The following FOXK2 variants were observed in gnomAD, a reference collection of about 807,000 sequenced individuals.
FOXK2 encodes forkhead box protein K2.
FOXK2 carries 24 observed loss-of-function variants against 53.3 expected under a neutral mutation model. The observed-to-expected ratio is 0.45, with a 90% confidence interval of 0.33 to 0.63. FOXK2 has a LOEUF of 0.63. FOXK2 is among the 30% of genes least tolerant of loss of function. FOXK2 has a pLI of 0.03. For synonymous variants in FOXK2, 505 were observed against 407.1 expected, an observed-to-expected ratio of 1.24 and a Z score of -2.89; for missense variants, 952 against 910.5, an observed-to-expected ratio of 1.05 and a Z score of -0.59.
At chr17:82,530,466 AG>A (rs377393406) in intron 1 of FOXK2, among the ~76,000 whole-genome samples, 34,139 of 106,252 alleles carry the variant, frequency 0.32, 5,683 homozygotes, top group South Asian at 0.43. Flanking sequence ...AAAAAAAAAA[AG>A]AGAGAGAAAA....
intron 1 of FOXK2, among the ~76,000 whole-genome samples, chr17:82,526,121 C>G (rs1836707584): frequency 6.6e-6 from 1 of 152,140 alleles, no homozygotes; most frequent in Admixed American, 6.6e-5. Context: ...AAGGTGAAGA[C>G]TGGAGAGAGA....
intron 2 of FOXK2, among the ~76,000 whole-genome samples, chr17:82,564,887 C>T (rs904224926): frequency 5.9e-5 from 9 of 152,090 alleles, no homozygotes; most frequent in African/African-American, 1.4e-4. Flanking sequence ...TGCACCACCA[C>T]GCCCGGCTAA....
chr17:82,529,512 C>A (rs2144048284), intron 1 of FOXK2, among the ~76,000 whole-genome samples: 1 of 152,088 alleles, frequency 6.6e-6, no homozygotes, highest in South Asian at 2.1e-4. Flanking sequence ...GCCTTAGCCT[C>A]CTGAGTACCT....
In FOXK2 at chr17:82,603,338, T is replaced by C. The variant is rs1407975992; in HGVS notation, c.*1839T>C. 6.6e-6 allele frequency: 1 copy of C among 152,208 alleles called. No individual in the cohort carries two copies. The highest frequency in any genetic ancestry group is 1.5e-5 in the Non-Finnish European group (1 of 68,036). 9.4% of individuals were successfully genotyped at this position (152,208 alleles called of 1,614,324 possible). A position where few individuals can be genotyped will look rare whatever the true frequency, so the allele number is the denominator to read the frequency against. On this transcript the variant is annotated 3_prime_UTR_variant, in exon 9 of 9. Transcript: ENST00000335255. Reference sequence around the variant, plus strand: ...CTCAGAAGGTTTGCAGTTTGTAAAATAATCAGGATTCTGCTCTGTCCTGTG... The same window carrying C: ...CTCAGAAGGTTTGCAGTTTGTAAAACAATCAGGATTCTGCTCTGTCCTGTG...
chr17:82,572,910 G>A (rs1413039386), intron 4 of FOXK2, among the ~76,000 whole-genome samples: 1 of 152,068 alleles, frequency 6.6e-6, no homozygotes, highest in Non-Finnish European at 1.5e-5. Context: ...ATAGCCTACC[G>A]GCCGGGCACA....
chr17:82,554,972 C>T (rs902050207), intron 1 of FOXK2, among the ~76,000 whole-genome samples: 1 of 152,106 alleles, frequency 6.6e-6, no homozygotes, highest in African/African-American at 2.4e-5. Flanking sequence ...TGGGTTCGAA[C>T]TCCTGACCTC....
In FOXK2 at chr17:82,602,734, G is replaced by A. The variant is rs971662124; in HGVS notation, c.*1235G>A. On this transcript the variant is annotated 3_prime_UTR_variant, in exon 9 of 9. Coordinates refer to ENST00000335255, the MANE Select transcript of FOXK2 (RefSeq NM_004514.4). ...GGACAGGACGGGGGTGAGGGAATGAGAGTGGGAGGTCCCTGCACCTCCTCG... is the reference window on the plus strand; with the variant it reads ...GGACAGGACGGGGGTGAGGGAATGAAAGTGGGAGGTCCCTGCACCTCCTCG... 1 of 152,264 alleles carries A rather than the reference G, an allele frequency of 6.6e-6. No homozygotes were observed. Among genetic ancestry groups the A allele is most frequent in the African/African-American group, 2.4e-5 (1 of 41,470 alleles). 9.4% of individuals were successfully genotyped at this position (152,264 alleles called of 1,614,324 possible).
chr17:82,591,579 G>A (rs759426559), intron 8 of FOXK2, among the ~76,000 whole-genome samples: 6 of 152,210 alleles, frequency 3.9e-5, no homozygotes, highest in Non-Finnish European at 7.3e-5. Context: ...TGTGGGGAGG[G>A]CTTGAGGCCT....
chr17:82,525,649 G>A (rs1248166885), intron 1 of FOXK2, among the ~76,000 whole-genome samples: 1 of 152,164 alleles, frequency 6.6e-6, no homozygotes, highest in Non-Finnish European at 1.5e-5. Flanking sequence ...CTCTTTAACA[G>A]TTGTTTATAC....
At position 82,571,854 on chromosome 17, in the gene FOXK2, C is replaced by T. The variant is rs770115350; in HGVS notation, c.893C>T (p.Ala298Val). The change falls in exon 4 of 9, where the codon GCG (alanine) becomes GTG (valine). Residue 298 changes from alanine (A) to valine (V), a missense_variant. Ala to Val is a moderately conservative substitution (Grantham distance 64). This residue lies in a region of FOXK2 where 160 missense variants were observed against 214.2 expected (regional missense o/e 0.75). Transcript: ENST00000335255. ...ITKNYPYYRTADKGWQNSIRH... is the reference protein window; with the variant it reads ...ITKNYPYYRTVDKGWQNSIRH... Reference sequence around the variant, plus strand: ...AAAAATTATCCCTACTACAGGACTGCGGACAAGGGCTGGCAGGTAAATGCC... The same window carrying T: ...AAAAATTATCCCTACTACAGGACTGTGGACAAGGGCTGGCAGGTAAATGCC... The T allele has an allele frequency of 4.5e-6, 7 of 1,570,348 alleles. No individual in the cohort carries two copies. The highest frequency in any genetic ancestry group is 2.4e-5 in the East Asian group (1 of 42,086).
At chr17:82,576,227 G>A (rs2044984092) in intron 4 of FOXK2, among the ~76,000 whole-genome samples, 1 of 76,784 alleles carries the variant, frequency 1.3e-5, no homozygotes, top group Non-Finnish European at 2.6e-5. Flanking sequence ...TCGGGTGGCG[G>A]CGGCGGGTTC....
intron 8 of FOXK2, chr17:82,595,879 T>C: frequency 3.1e-6 from 4 of 1,286,302 alleles, no homozygotes; most frequent in Non-Finnish European, 4.1e-6. Context: ...CAGGTGCTTC[T>C]GGAGACAAGA....
Position 82,601,419 on chromosome 17 carries a change from G to T in FOXK2, c.1903G>T (p.Glu635Ter). ...GCCGGAGCTGAAGCGGATCAAGACA[G>T]AAGACGGCGAGGGCATCGTCATTGC... ...EQPELKRIKT[E>*]DGEGIVIALS... Residue 635 changes from glutamate to a stop codon, truncating the protein, a stop_gained, in exon 9 of 9, where the codon GAA (glutamate) becomes TAA (stop). Coordinates refer to ENST00000335255, the MANE Select transcript of FOXK2 (RefSeq NM_004514.4). LOFTEE classifies it low-confidence loss of function (END_TRUNC). 6.2e-7 allele frequency: 1 copy of T among 1,612,970 alleles called. No homozygotes were observed. The highest frequency in any genetic ancestry group is 8.5e-7 in the Non-Finnish European group (1 of 1,180,030).
rs138125214 is a variant in FOXK2, at chr17:82,584,068, G to A, written c.1159G>A (p.Ala387Thr). Residue 387 changes from alanine to threonine, a missense_variant, in exon 6 of 9, where the codon GCC becomes ACC. Physicochemically the swap from Ala to Thr is moderately conservative, Grantham distance 58. Transcript: ENST00000335255. ...AGVLSAHSSGAQTPESLSREG... is the reference protein window; with the variant it reads ...AGVLSAHSSGTQTPESLSREG... ...AGTGCTGTCTGCTCACTCTAGTGGCGCCCAGACCCCTGAGAGCCTGTCGAG... is the reference window on the plus strand; with the variant it reads ...AGTGCTGTCTGCTCACTCTAGTGGCACCCAGACCCCTGAGAGCCTGTCGAG... The A allele has an allele frequency of 4.9e-5, 79 of 1,611,604 alleles. No homozygotes were observed. In the African/African-American group the frequency reaches 8.1e-4, roughly 17 times the overall value.
At chr17:82,547,697 C>T (rs1244153482) in intron 1 of FOXK2, among the ~76,000 whole-genome samples, 1 of 152,094 alleles carries the variant, frequency 6.6e-6, no homozygotes, top group Non-Finnish European at 1.5e-5. Flanking sequence ...CAGCTGTATA[C>T]ACCATGTAGC....
At position 82,603,588 on chromosome 17, in the gene FOXK2, G is replaced by C. The variant is rs907626196; in HGVS notation, c.*2089G>C. On this transcript the variant is annotated 3_prime_UTR_variant, in exon 9 of 9. Coordinates refer to ENST00000335255, the MANE Select transcript of FOXK2 (RefSeq NM_004514.4). ...AGGAGTCGGGGGTAGACTTTCCCGTGTAAGCTCAGTCCATAAACTGGTTAC... is the reference window on the plus strand; with the variant it reads ...AGGAGTCGGGGGTAGACTTTCCCGTCTAAGCTCAGTCCATAAACTGGTTAC... 2 of 152,232 alleles carry C rather than the reference G, an allele frequency of 1.3e-5. No individual in the cohort carries two copies. The highest frequency in any genetic ancestry group is 2.9e-5 in the Non-Finnish European group (2 of 68,054). The allele number at this position is 152,232 out of a possible 1,614,324, so 9.4% of individuals were successfully genotyped here.
chr17:82,574,670 A>T (rs952346442), intron 4 of FOXK2, among the ~76,000 whole-genome samples: 2 of 152,166 alleles, frequency 1.3e-5, no homozygotes, highest in African/African-American at 4.8e-5. Flanking sequence ...GGCTGTCAGA[A>T]TACTGACCCT....
chr17:82,567,468 G>A (rs887100850), intron 2 of FOXK2, among the ~76,000 whole-genome samples: 3 of 152,012 alleles, frequency 2.0e-5, no homozygotes, highest in African/African-American at 7.2e-5. Flanking sequence ...TCTGTGTCCC[G>A]GGCGCCCCCA....
chr17:82,542,843 C>T (rs1171472025), intron 1 of FOXK2, among the ~76,000 whole-genome samples: 3 of 151,976 alleles, frequency 2.0e-5, no homozygotes, highest in South Asian at 2.1e-4. Context: ...ATAGTAGGAC[C>T]CTGTCTGTAC....
Sources: allele counts gnomAD v4.1 joint callset (sites outside exome capture counted in the v4.1 genomes callset), GRCh38; gene constraint gnomAD v4.1.1; regional missense constraint gnomAD v4.1.1; transcripts MANE v1.5; gene names NCBI Gene and HGNC (gene_info 2026-07-23, HGNC 2026-07-21).